RALYL: variants seen among roughly 807,000 people sequenced by gnomAD.
The protein encoded by RALYL is RNA-binding Raly-like protein.
RALYL carries 29 observed loss-of-function variants against 35.1 expected under a neutral mutation model. The ratio of observed to expected loss-of-function variants is 0.83; its 90% confidence interval spans 0.61 to 1.13. The LOEUF is 1.13. Ranked by LOEUF, RALYL falls within the 50% of genes most tolerant of loss-of-function variation. The pLI is 0.00. For synonymous variants in RALYL, 120 were observed against 127.6 expected (o/e 0.94, Z 0.40); for missense variants, 359 against 360.4 (o/e 1.00, Z 0.03).
chr8:84,657,439 G>T (rs895342087), intron 2 of RALYL, among the ~76,000 whole-genome samples: 8 of 152,158 alleles, frequency 5.3e-5, no homozygotes, highest in African/African-American at 1.7e-4. Flanking sequence ...ACTGGTTATG[G>T]TTTTTTAGAA....
intron 1 of RALYL, among the ~76,000 whole-genome samples, chr8:84,201,270 A>T (rs1387981307): frequency 6.6e-6 from 1 of 152,224 alleles, no homozygotes; most frequent in African/African-American, 2.4e-5. Flanking sequence ...GGTTAAATTG[A>T]TTTAGTATCT....
intron 2 of RALYL, among the ~76,000 whole-genome samples, chr8:84,762,251 C>T (rs577256018): frequency 6.6e-6 from 1 of 152,134 alleles, no homozygotes; most frequent in Non-Finnish European, 1.5e-5. Context: ...ATTTTTATCT[C>T]ATTGGATGTT....
chr8:84,620,915 G>A (rs1364897782), intron 2 of RALYL, among the ~76,000 whole-genome samples: 9 of 152,114 alleles, frequency 5.9e-5, no homozygotes, highest in Non-Finnish European at 1.2e-4. Context: ...CGGGGGTCAG[G>A]GGACAGGGAC....
At chr8:84,610,175 G>A (rs533542492) in intron 2 of RALYL, among the ~76,000 whole-genome samples, 3 of 152,004 alleles carry the variant, frequency 2.0e-5, no homozygotes, top group South Asian at 4.2e-4. Context: ...TTTTCTTTTA[G>A]TTTTTACCGA....
intron 1 of RALYL, among the ~76,000 whole-genome samples, chr8:84,336,491 C>G (rs1287630606): frequency 6.6e-6 from 1 of 152,010 alleles, no homozygotes; most frequent in Admixed American, 6.6e-5. Context: ...TTAACACTTT[C>G]TTTTGTATCA....
At chr8:84,883,345 A>C (rs941066075) in intron 7 of RALYL, among the ~76,000 whole-genome samples, 10 of 152,062 alleles carry the variant, frequency 6.6e-5, no homozygotes, top group Non-Finnish European at 1.5e-4. Context: ...ATACTGTATT[A>C]GTTTGTTCTC....
intron 4 of RALYL, among the ~76,000 whole-genome samples, chr8:84,833,246 AC>A (rs568830692): frequency 3.2e-3 from 488 of 152,318 alleles, no homozygotes; most frequent in Non-Finnish European, 5.4e-3. Flanking sequence ...ACTGACACAT[AC>A]TAAACTAAAT....
At chr8:84,849,101 A>T (rs1835269574) in intron 4 of RALYL, among the ~76,000 whole-genome samples, 1 of 152,230 alleles carries the variant, frequency 6.6e-6, no homozygotes, top group South Asian at 2.1e-4. Flanking sequence ...ATGCATATAA[A>T]GTGCTTCGTA....
chr8:84,690,872 G>T (rs993050685), intron 2 of RALYL, among the ~76,000 whole-genome samples: 1 of 151,940 alleles, frequency 6.6e-6, no homozygotes, highest in African/African-American at 2.4e-5. Flanking sequence ...AGATATTGGT[G>T]ATATCATCCA....
chr8:84,706,057 A>G (rs1158306903), intron 2 of RALYL: 15 of 1,534,952 alleles, frequency 9.8e-6, no homozygotes, highest in Non-Finnish European at 1.2e-5. Flanking sequence ...CAGACATCAG[A>G]GATGTAAGTA....
chr8:84,656,104 TG>T, intron 2 of RALYL, among the ~76,000 whole-genome samples: 1 of 152,196 alleles, frequency 6.6e-6, no homozygotes, highest in African/African-American at 2.4e-5. Context: ...AGTTATTTTT[TG>T]TTTGTTTTGT....
chr8:84,339,790 C>G (rs1389631943), intron 1 of RALYL, among the ~76,000 whole-genome samples: 1 of 151,980 alleles, frequency 6.6e-6, no homozygotes. Flanking sequence ...TATGCCTCTT[C>G]CTAGTTCTGC....
chr8:84,229,595 A>G (rs1824847676), intron 1 of RALYL, among the ~76,000 whole-genome samples: 1 of 152,168 alleles, frequency 6.6e-6, no homozygotes, highest in African/African-American at 2.4e-5. Context: ...GCCTATAATA[A>G]TAATTTGTGT....
chr8:84,457,957 A>G (rs1265784606), intron 1 of RALYL, among the ~76,000 whole-genome samples: 1 of 151,830 alleles, frequency 6.6e-6, no homozygotes. Flanking sequence ...TACAGAGGAT[A>G]TTTTATGCTT....
chr8:84,441,912 G>T (rs940896749), intron 1 of RALYL, among the ~76,000 whole-genome samples: 1 of 151,954 alleles, frequency 6.6e-6, no homozygotes, highest in Non-Finnish European at 1.5e-5. Flanking sequence ...TCCTCTCTGG[G>T]TTATAATTTA....
chr8:84,218,798 A>G (rs1450832125), intron 1 of RALYL, among the ~76,000 whole-genome samples: 1 of 152,084 alleles, frequency 6.6e-6, no homozygotes, highest in Non-Finnish European at 1.5e-5. Flanking sequence ...ATAACCCTTT[A>G]AAAAATTGTA....
At chr8:84,186,650 G>A (rs1203709023) in intron 1 of RALYL, among the ~76,000 whole-genome samples, 2 of 152,106 alleles carry the variant, frequency 1.3e-5, no homozygotes, top group Non-Finnish European at 2.9e-5. Context: ...AACAATTAAT[G>A]GGACCAAAGA....
intron 2 of RALYL, among the ~76,000 whole-genome samples, chr8:84,638,159 CT>C (rs1825458544): frequency 6.6e-6 from 1 of 151,858 alleles, no homozygotes; most frequent in Non-Finnish European, 1.5e-5. Context: ...CCAAAAGAAC[CT>C]TCAAAACTAT....
At chr8:84,221,695 G>A (rs989418015) in intron 1 of RALYL, among the ~76,000 whole-genome samples, 2 of 152,022 alleles carry the variant, frequency 1.3e-5, no homozygotes, top group African/African-American at 4.8e-5. Flanking sequence ...TGATATAAAT[G>A]TCTTCTTCCC....
Sources: allele counts gnomAD v4.1 joint callset (sites outside exome capture counted in the v4.1 genomes callset), GRCh38; gene constraint gnomAD v4.1.1; transcripts MANE v1.5; gene names NCBI Gene and HGNC (gene_info 2026-07-23, HGNC 2026-07-21).